The following ABLIM3 variants were observed in gnomAD, a reference collection of about 807,000 sequenced individuals.
ABLIM3 encodes actin binding LIM protein family member 3, also known as actin-binding LIM protein 3.
Under a neutral mutation model 109.5 loss-of-function variants are expected in ABLIM3, and 61 were observed. The ratio of observed to expected loss-of-function variants is 0.56; its 90% CI spans 0.45 to 0.69. ABLIM3 has a LOEUF of 0.69. Ranked by LOEUF, ABLIM3 falls within the 30% of genes least tolerant of loss-of-function variation. ABLIM3 has a pLI of 0.00. For missense variants in ABLIM3, 796 were observed against 889.5 expected, an observed-to-expected ratio of 0.89 and a Z score of 1.34; for synonymous variants, 300 against 324.8, an observed-to-expected ratio of 0.92 and a Z score of 0.82.
At chr5:149,211,163 TTTATTTAA>T (rs1207733255) in intron 7 of ABLIM3, among the ~76,000 whole-genome samples, 31 of 151,788 alleles carry the variant, frequency 2.0e-4, no homozygotes, top group South Asian at 4.2e-4. Context: ...TATTTATTTA[TTTATTTAA>T]TTATTTATTT....
intron 8 of ABLIM3, 69 bp downstream of exon 8, chr5:149,217,115 G>C: frequency 7.0e-7 from 1 of 1,420,514 alleles, no homozygotes; most frequent in Non-Finnish European, 9.8e-7. Flanking sequence ...GCGATCTTCA[G>C]GTTCAGTGTT....
chr5:149,169,049 G>A (rs1266371648), intron 2 of ABLIM3, among the ~76,000 whole-genome samples: 2 of 152,094 alleles, frequency 1.3e-5, no homozygotes, highest in Middle Eastern at 3.2e-3. Flanking sequence ...GAAGGAATCT[G>A]TTCCAGTTCC....
chr5:149,169,659 G>C (rs962983253), intron 2 of ABLIM3, among the ~76,000 whole-genome samples: 1 of 152,176 alleles, frequency 6.6e-6, no homozygotes, highest in Non-Finnish European at 1.5e-5. Context: ...GAGAGAGTCT[G>C]TTCACAGAAG....
In ABLIM3 at chr5:149,221,630, A is replaced by G. The variant is rs1056077924; in HGVS notation, c.757+4584A>G. On this transcript the variant is annotated intron_variant, in intron 8 of 23. Transcript: ENST00000309868. Reference sequence around the variant, plus strand: ...TTAACTGTGTTTGTAAAGATGCCAAATATCTAATCTGTTTGTTATCCAAAC... The same window carrying G: ...TTAACTGTGTTTGTAAAGATGCCAAGTATCTAATCTGTTTGTTATCCAAAC... Among the ~76,000 whole-genome samples the G allele has an allele frequency of 3.3e-5, 5 of 152,158 alleles. No homozygotes were observed. The East Asian group carries it at 9.6e-4, about 29-fold the overall frequency.
At chr5:149,212,986 C>T (rs1759707112) in intron 7 of ABLIM3, among the ~76,000 whole-genome samples, 1 of 152,114 alleles carries the variant, frequency 6.6e-6, no homozygotes, top group Non-Finnish European at 1.5e-5. Flanking sequence ...ACTAGCCAGG[C>T]ATGGTGGTGC....
Position 149,259,604 on chromosome 5 carries a change from C to T in ABLIM3, c.*1200C>T, listed in dbSNP as rs200336012. The stretch of plus-strand genomic sequence containing the variant: ...TCCAAAATGAAGTGTTGGCCAACAC[C>T]GCTCATGGCCATCCTGGATTTTCCC... On this transcript the variant is annotated 3_prime_UTR_variant, in exon 24 of 24. Transcript: ENST00000309868. 1.4e-4 allele frequency: 211 copies of T among 1,533,800 alleles called. No individual in the cohort carries two copies. Among genetic ancestry groups the T allele is most frequent in the Middle Eastern group, 1.7e-4 (1 of 6,010 alleles).
At chr5:149,257,726 G>A (rs189670714) in intron 23 of ABLIM3, among the ~76,000 whole-genome samples, 80 of 152,258 alleles carry the variant, frequency 5.3e-4, no homozygotes, top group South Asian at 2.5e-3. Context: ...TGCAGACAAG[G>A]GTTTGATTAT....
intron 2 of ABLIM3, among the ~76,000 whole-genome samples, chr5:149,161,676 C>A (rs984300309): frequency 7.2e-5 from 11 of 152,244 alleles, no homozygotes; most frequent in Admixed American, 6.5e-4. Flanking sequence ...AAGTGAAAAT[C>A]GTTGTGTGTT....
chr5:149,192,637 GA>G (rs767252934), intron 3 of ABLIM3, among the ~76,000 whole-genome samples: 6,617 of 101,172 alleles, frequency 0.065, 400 homozygotes, highest in African/African-American at 0.21. Flanking sequence ...AAAAAAAAAA[GA>G]AAAAAAAAAA....
intron 11 of ABLIM3, among the ~76,000 whole-genome samples, chr5:149,238,222 G>A (rs1752431413): frequency 6.6e-6 from 1 of 152,126 alleles, no homozygotes; most frequent in Admixed American, 6.6e-5. Flanking sequence ...CAGGGTTGGG[G>A]GCAGAATTAC....
chr5:149,233,560 AG>A (rs1181408532), intron 10 of ABLIM3, among the ~76,000 whole-genome samples: 3 of 152,208 alleles, frequency 2.0e-5, no homozygotes. Context: ...CGAGAAAGAA[AG>A]TACAATGACA....
At chr5:149,204,802 C>A (rs1214296754) in intron 5 of ABLIM3, among the ~76,000 whole-genome samples, 1 of 152,196 alleles carries the variant, frequency 6.6e-6, no homozygotes, top group Non-Finnish European at 1.5e-5. Context: ...GGGATTCTCT[C>A]CTGGGCCAAT....
intron 10 of ABLIM3, among the ~76,000 whole-genome samples, chr5:149,236,424 G>A (rs4295373): frequency 0.4 from 61,374 of 151,786 alleles, 12,774 homozygotes; most frequent in East Asian, 0.59. Context: ...AGCAGCCTCT[G>A]TTGTAATTTG....
intron 3 of ABLIM3, among the ~76,000 whole-genome samples, chr5:149,184,779 A>G (rs536852593): frequency 6.6e-6 from 1 of 152,184 alleles, no homozygotes; most frequent in East Asian, 1.9e-4. Context: ...CCTCAGTCTC[A>G]TGCACCTGAG....
At chr5:149,208,215 A>C (rs1759185103) in intron 6 of ABLIM3, among the ~76,000 whole-genome samples, 1 of 152,256 alleles carries the variant, frequency 6.6e-6, no homozygotes, top group African/African-American at 2.4e-5. Flanking sequence ...CTCAATTAAA[A>C]GCAAAAATAG....
intron 8 of ABLIM3, chr5:149,220,221 C>T (rs1163745013): frequency 6.6e-6 from 1 of 152,246 alleles, no homozygotes; most frequent in Non-Finnish European, 1.5e-5. Flanking sequence ...GCCCTGCCCT[C>T]ATGGAGCTCA....
intron 21 of ABLIM3, 108 bp downstream of exon 21, chr5:149,251,527 C>A: frequency 1.5e-6 from 2 of 1,311,322 alleles, no homozygotes; most frequent in Non-Finnish European, 1.1e-6. Context: ...TGTCCCCACG[C>A]TGGGCTGTGT....
chr5:149,216,544 C>A, intron 7 of ABLIM3: 1 of 160,520 alleles, frequency 6.2e-6, no homozygotes, highest in Admixed American at 6.3e-5. Context: ...TCCATTGGTC[C>A]AATGTTATTA....
At chr5:149,215,931 T>C (rs568196330) in intron 7 of ABLIM3, among the ~76,000 whole-genome samples, 2 of 152,322 alleles carry the variant, frequency 1.3e-5, no homozygotes, top group East Asian at 3.9e-4. Context: ...CAGTGAACCC[T>C]TGAGGCACAA....
Sources: gnomAD v4.1 joint callset for allele counts (sites outside exome capture counted in the v4.1 genomes callset) on GRCh38, gnomAD v4.1.1 for gene constraint, MANE v1.5 for transcripts, NCBI Gene and HGNC (gene_info 2026-07-23, HGNC 2026-07-21) for gene names.